EML6: variants seen among roughly 807,000 people sequenced by gnomAD.
The protein encoded by EML6 is EMAP like 6.
A neutral mutation model predicts 240.1 loss-of-function variants in EML6; 154 were observed. That is an observed-to-expected ratio of 0.64 (90% CI 0.56 to 0.73). EML6 has a LOEUF of 0.73. Among genes scored for constraint, EML6 ranks in the 30% least tolerant of loss-of-function variants. The pLI is 0.00. For synonymous variants in EML6, 1,148 were observed against 899.0 expected (o/e 1.28, Z -4.95); for missense variants, 2,964 against 2,474.6 (o/e 1.20, Z -4.20).
intron 2 of EML6, among the ~76,000 whole-genome samples, chr2:54,787,051 T>C (rs1047715546): frequency 1.3e-5 from 2 of 152,150 alleles, no homozygotes; most frequent in African/African-American, 4.8e-5. Context: ...TTTTGAAAGA[T>C]GAGTGCCTCA....
chr2:54,754,120 G>T (rs993063767), intron 2 of EML6, among the ~76,000 whole-genome samples: 1 of 151,480 alleles, frequency 6.6e-6, no homozygotes, highest in African/African-American at 2.4e-5. Context: ...GGGAGACAGA[G>T]CGAGACTCCG....
chr2:54,914,792 T>C (rs1382589637), intron 25 of EML6, among the ~76,000 whole-genome samples: 1 of 152,218 alleles, frequency 6.6e-6, no homozygotes, highest in Non-Finnish European at 1.5e-5. Context: ...AGCAATTTTT[T>C]TTTTTAAGAA....
At chr2:54,851,455 G>A (rs547325661) in intron 10 of EML6, among the ~76,000 whole-genome samples, 30 of 152,052 alleles carry the variant, frequency 2.0e-4, no homozygotes, top group Middle Eastern at 3.4e-3. Flanking sequence ...AAAGCCCAAT[G>A]GATTTTAACT....
intron 22 of EML6, among the ~76,000 whole-genome samples, chr2:54,901,714 G>A (rs962904550): frequency 2.0e-5 from 3 of 152,234 alleles, no homozygotes; most frequent in African/African-American, 7.2e-5. Context: ...TTTTGAGCAT[G>A]AACACAGCTT....
At chr2:54,924,209 A>G (rs1040233259) in intron 26 of EML6, among the ~76,000 whole-genome samples, 4 of 152,190 alleles carry the variant, frequency 2.6e-5, no homozygotes, top group Non-Finnish European at 5.9e-5. Context: ...CCAAAGTTGT[A>G]TCATTTTATA....
At chr2:54,797,212 T>C (rs927285605) in intron 2 of EML6, among the ~76,000 whole-genome samples, 1 of 143,988 alleles carries the variant, frequency 6.9e-6, no homozygotes, top group Admixed American at 7.0e-5. Flanking sequence ...AGGTCTAAGG[T>C]TGAGTCTGAG....
Position 54,903,087 on chromosome 2 carries a change from G to A in EML6, c.3168G>A (p.Ala1056=), listed in dbSNP as rs755110851. The change falls in exon 23 of 42, where the codon GCG becomes GCA. Residue 1056 remains alanine (A), a synonymous_variant. Transcript: ENST00000356458. ...TTTCCCCTGATGGGAAAGCCTTAGC[G>A]GTTGGCTTGAACGATGGGAGTTTCC... ...CAFSPDGKAL[A]VGLNDGSFLV... 79 of 1,551,652 alleles carry A rather than the reference G, an allele frequency of 5.1e-5. 5 individuals are homozygous for A. The South Asian group carries it at 6.1e-4, about 12-fold the overall frequency.
chr2:54,884,590 A>G (rs576777537), intron 17 of EML6, among the ~76,000 whole-genome samples: 1 of 152,216 alleles, frequency 6.6e-6, no homozygotes, highest in Non-Finnish European at 1.5e-5. Flanking sequence ...GAAGACCTCC[A>G]TGGAGATCCT....
chr2:54,970,024 G>A (rs1351346387), intron 41 of EML6, 47 bp from the exon 42 acceptor site: 15 of 1,548,964 alleles, frequency 9.7e-6, no homozygotes, highest in Non-Finnish European at 1.2e-5. Context: ...CTTGACACAA[G>A]TATGATGTCC....
chr2:54,839,426 G>T (rs1474086711), intron 7 of EML6, among the ~76,000 whole-genome samples: 2 of 152,222 alleles, frequency 1.3e-5, no homozygotes, highest in Non-Finnish European at 2.9e-5. Context: ...TGACTTGTCT[G>T]ATGTGACAAA....
chr2:54,802,741 C>A (rs149890590), intron 2 of EML6, among the ~76,000 whole-genome samples: 1 of 152,138 alleles, frequency 6.6e-6, no homozygotes, highest in Non-Finnish European at 1.5e-5. Flanking sequence ...TTACTTATGG[C>A]TACTATTTGA....
At chr2:54,837,055 T>G (rs1669191281) in intron 7 of EML6, among the ~76,000 whole-genome samples, 1 of 152,080 alleles carries the variant, frequency 6.6e-6, no homozygotes, top group African/African-American at 2.4e-5. Context: ...CTACCAATAC[T>G]CCCTCTTAAG....
At chr2:54,955,239 A>G (rs981627833) in intron 32 of EML6, among the ~76,000 whole-genome samples, 4 of 152,202 alleles carry the variant, frequency 2.6e-5, no homozygotes, top group Admixed American at 1.3e-4. Flanking sequence ...CAAGTGGCCA[A>G]CTGATTGACC....
chr2:54,868,155 A>G (rs1671069403), intron 14 of EML6: 1 of 152,224 alleles, frequency 6.6e-6, no homozygotes, highest in Admixed American at 6.5e-5. Flanking sequence ...TTTTGGGTTT[A>G]AAATGTTACT....
rs1667787266 is a variant in EML6, at chr2:54,810,635, A to G, written c.198-2597A>G. Among the ~76,000 whole-genome samples the G allele has an allele frequency of 3.9e-5, 6 of 152,190 alleles. No homozygotes were observed. The South Asian group carries it at 1.2e-3, about 32-fold the overall frequency. On this transcript the variant is annotated intron_variant, in intron 2 of 41. Transcript: ENST00000356458. Reference sequence around the variant, plus strand: ...GAAATATGCTCATTCTTCATTTTCTAGTCCCTGGGTAGAACCTCTTGCCTA... The same window carrying G: ...GAAATATGCTCATTCTTCATTTTCTGGTCCCTGGGTAGAACCTCTTGCCTA...
chr2:54,878,721 G>A (rs567016174), intron 16 of EML6, among the ~76,000 whole-genome samples: 52 of 152,084 alleles, frequency 3.4e-4, no homozygotes, highest in Non-Finnish European at 4.7e-4. Context: ...TTATACATAG[G>A]GATTTACAGT....
rs1421327747 is a variant in EML6 at position 54,774,108 on chromosome 2, A to G, written c.198-39124A>G. 1.3e-5 allele frequency among the ~76,000 whole-genome samples: 2 copies of G among 152,190 alleles called. No homozygotes were observed. Among genetic ancestry groups the G allele is most frequent in the African/African-American group, 4.8e-5 (2 of 41,434 alleles). ...CCATTTTCATCCCAGGGGCCAGAGC[A>G]TGGTTGAATGGCCACACCCAGCAGA... On this transcript the variant is annotated intron_variant, in intron 2 of 41. Transcript: ENST00000356458. The surrounding 1 kb of genome is among the most constrained non-coding windows in gnomAD (Gnocchi z 4.1).
Position 54,758,826 on chromosome 2 carries a change from T to C in EML6, c.197+33568T>C, listed in dbSNP as rs1667850603. Among the ~76,000 whole-genome samples, 3 of 152,298 alleles carry C rather than the reference T, an allele frequency of 2.0e-5. No individual in the cohort carries two copies. The South Asian group carries it at 6.2e-4, about 32-fold the overall frequency. On this transcript the variant is annotated intron_variant, in intron 2 of 41. Transcript: ENST00000356458. ...AGATTGGTCTGAGAGCATTGTTTTT[T>C]TAATCCCAGTTTTGCTACATTCCAG...
intron 5 of EML6, among the ~76,000 whole-genome samples, chr2:54,824,824 A>T (rs1170646583): frequency 6.6e-6 from 1 of 152,202 alleles, no homozygotes; most frequent in Non-Finnish European, 1.5e-5. Context: ...CAAAATTTGC[A>T]TTACAGTCTG....
Sources: allele counts gnomAD v4.1 joint callset (sites outside exome capture counted in the v4.1 genomes callset), GRCh38; gene constraint gnomAD v4.1.1; non-coding constraint Gnocchi (gnomAD v3.1); transcripts MANE v1.5; gene names NCBI Gene and HGNC (gene_info 2026-07-23, HGNC 2026-07-21).